Variants in ZNF503 observed in about 807,000 individuals in gnomAD.
ZNF503 encodes zinc finger protein 503.
In ZNF503, 15 loss-of-function variants were observed where a neutral mutation model predicts 34.4. That is an observed-to-expected ratio of 0.44 (90% CI 0.29 to 0.67). The LOEUF (loss-of-function observed/expected upper bound fraction) is 0.67. ZNF503 is among the 30% of genes least tolerant of loss of function. ZNF503 has a pLI of 0.13. For missense variants in ZNF503, 1,007 were observed against 926.8 expected (o/e 1.09, Z -1.12); for synonymous variants, 580 against 456.8 (o/e 1.27, Z -3.44).
At chr10:75,310,298 A>T in the ZNF503 span, among the ~76,000 whole-genome samples, 1 of 152,224 alleles carries the variant, frequency 6.6e-6, no homozygotes, top group Non-Finnish European at 1.5e-5. Flanking sequence ...CTGAGAAATG[A>T]TCTGGTGAGC....
At chr10:75,401,015 C>G in intron 1 of ZNF503, 90 bp downstream of exon 1, 1 of 1,564,672 alleles carries the variant, frequency 6.4e-7, no homozygotes, top group Non-Finnish European at 8.7e-7. Flanking sequence ...CTCCGACCCC[C>G]CCACCTCCGC....
At chr10:75,300,656 G>C in the ZNF503 span, among the ~76,000 whole-genome samples, 2 of 151,504 alleles carry the variant, frequency 1.3e-5, no homozygotes, top group East Asian at 3.9e-4. Flanking sequence ...CCCTCCGTTC[G>C]GGGTCCCTGA....
chr10:75,379,085 A>G, the ZNF503 span, among the ~76,000 whole-genome samples: 1 of 152,184 alleles, frequency 6.6e-6, no homozygotes, highest in South Asian at 2.1e-4. Context: ...TCCTATTAAT[A>G]AAGTCTGGGA....
the ZNF503 span, among the ~76,000 whole-genome samples, chr10:75,329,459 C>T: frequency 0.13 from 6,795 of 54,074 alleles, 743 homozygotes; most frequent in African/African-American, 0.29. Context: ...TTCTTTCTTT[C>T]TCTTTCTTTC....
chr10:75,347,210 C>T, the ZNF503 span, among the ~76,000 whole-genome samples: 1 of 152,184 alleles, frequency 6.6e-6, no homozygotes. Context: ...AGTGAGGACT[C>T]CGGCAATTAA....
chr10:75,293,619 C>A, the ZNF503 span, among the ~76,000 whole-genome samples: 16 of 151,842 alleles, frequency 1.1e-4, no homozygotes, highest in Non-Finnish European at 1.8e-4. Context: ...GAGTGCCCCC[C>A]CCGTCCACTC....
the ZNF503 span, among the ~76,000 whole-genome samples, chr10:75,315,047 G>A: frequency 1.3e-5 from 2 of 152,072 alleles, no homozygotes; most frequent in Admixed American, 1.3e-4. Flanking sequence ...TAGTATAAAG[G>A]TCAAAAGACA....
chr10:75,380,836 T>C, the ZNF503 span, among the ~76,000 whole-genome samples: 1 of 152,226 alleles, frequency 6.6e-6, no homozygotes, highest in Admixed American at 6.5e-5. Flanking sequence ...CATGCAATTT[T>C]ATGTCTGAAC....
rs944383194 is a variant in ZNF503 at position 75,398,482 on chromosome 10, CCTTT to C, written c.*263_*266del. 2.8e-6 allele frequency: 1 copy of C among 363,630 alleles called. No homozygotes were observed. The highest frequency in any genetic ancestry group is 4.9e-6 in the Non-Finnish European group (1 of 204,892). 22.5% of individuals were successfully genotyped at this position (363,630 alleles called of 1,614,324 possible). ...ATGAACACTTTCTCAATTATTTTTT[CCTTT>C]TTTTTTCTATAAAAAGTCAAATGAT... On this transcript the variant is annotated 3_prime_UTR_variant, in exon 2 of 2. Transcript: ENST00000372524.
chr10:75,308,264 CAT>C, the ZNF503 span, among the ~76,000 whole-genome samples: 9 of 143,824 alleles, frequency 6.3e-5, no homozygotes, highest in Non-Finnish European at 1.0e-4. Context: ...CTGTTTACAG[CAT>C]AGTTTACTGA....
chr10:75,356,663 G>T, the ZNF503 span, among the ~76,000 whole-genome samples: 1 of 152,220 alleles, frequency 6.6e-6, no homozygotes, highest in Admixed American at 6.5e-5. Flanking sequence ...TGTGCCAGCT[G>T]CTATCCCCTC....
the ZNF503 span, among the ~76,000 whole-genome samples, chr10:75,376,856 A>G: frequency 0.011 from 1,692 of 152,220 alleles, 37 homozygotes; most frequent in African/African-American, 0.038. Context: ...CTTCAGTGAG[A>G]ACTCACTCAC....
chr10:75,314,489 T>G, the ZNF503 span, among the ~76,000 whole-genome samples: 1 of 151,988 alleles, frequency 6.6e-6, no homozygotes, highest in Non-Finnish European at 1.5e-5. Context: ...TTTGAAAATA[T>G]CCAGTCAGAG....
chr10:75,319,871 T>G, the ZNF503 span, among the ~76,000 whole-genome samples: 1 of 152,208 alleles, frequency 6.6e-6, no homozygotes, highest in South Asian at 2.1e-4. Context: ...AGGAAAACAA[T>G]GACCATAACT....
the ZNF503 span, among the ~76,000 whole-genome samples, chr10:75,302,598 C>T: frequency 6.6e-6 from 1 of 152,180 alleles, no homozygotes; most frequent in Non-Finnish European, 1.5e-5. Flanking sequence ...AGTATACATA[C>T]ACACAGCCTC....
the ZNF503 span, among the ~76,000 whole-genome samples, chr10:75,317,502 G>T: frequency 6.7e-6 from 1 of 149,544 alleles, no homozygotes; most frequent in Non-Finnish European, 1.5e-5. Flanking sequence ...AGCCAGGATG[G>T]TCTTGATCTC....
chr10:75,360,073 G>A, the ZNF503 span, among the ~76,000 whole-genome samples: 1 of 151,170 alleles, frequency 6.6e-6, no homozygotes, highest in Non-Finnish European at 1.5e-5. Context: ...GAAATGGAAA[G>A]GAAAAGATGG....
chr10:75,300,090 C>G, the ZNF503 span, among the ~76,000 whole-genome samples: 2 of 152,174 alleles, frequency 1.3e-5, no homozygotes, highest in African/African-American at 4.8e-5. Flanking sequence ...CCTACAGTCT[C>G]AACCATAGAA....
chr10:75,364,594 A>C, the ZNF503 span, among the ~76,000 whole-genome samples: 2 of 152,160 alleles, frequency 1.3e-5, no homozygotes. Flanking sequence ...CCAGCAAAGT[A>C]ATACAAAGTC....
Sources: gnomAD v4.1 joint callset for allele counts (sites outside exome capture counted in the v4.1 genomes callset) on GRCh38, gnomAD v4.1.1 for gene constraint, MANE v1.5 for transcripts, NCBI Gene and HGNC (gene_info 2026-07-23, HGNC 2026-07-21) for gene names.